Variants in C1QTNF7 observed in about 807,000 individuals in gnomAD.
C1QTNF7 encodes complement C1q tumor necrosis factor-related protein 7.
A neutral mutation model predicts 19.6 loss-of-function variants in C1QTNF7; 15 were observed. The ratio of observed to expected loss-of-function variants is 0.76; its 90% CI spans 0.51 to 1.18. The LOEUF (loss-of-function observed/expected upper bound fraction) is 1.18. Among genes scored for constraint, C1QTNF7 ranks in the 50% most tolerant of loss-of-function variants. The probability of loss-of-function intolerance (pLI) is 0.00; values close to 1 mark genes in which losing one functional copy is unlikely to be tolerated. For synonymous variants in C1QTNF7, 142 were observed against 137.5 expected, an observed-to-expected ratio of 1.03 and a Z score of -0.23; for missense variants, 324 against 359.7, an observed-to-expected ratio of 0.90 and a Z score of 0.80.
intron 1 of C1QTNF7, among the ~76,000 whole-genome samples, chr4:15,399,574 G>A (rs746376015): frequency 3.9e-5 from 6 of 152,196 alleles, no homozygotes; most frequent in Non-Finnish European, 7.3e-5. Context: ...GAATAAATGT[G>A]ATGACCCATT....
At chr4:15,431,056 A>AGATAGATAGATAGATAGATAGATAGAT (rs1712285037) in intron 1 of C1QTNF7, among the ~76,000 whole-genome samples, 1 of 52,800 alleles carries the variant, frequency 1.9e-5, no homozygotes, top group Non-Finnish European at 4.0e-5. Context: ...GATAGATGAT[A>AGATAGATAGATAGATAGATAGATAGAT]GATAGATAGA....
At chr4:15,414,189 G>GAATA (rs1399541774) in intron 1 of C1QTNF7, among the ~76,000 whole-genome samples, 1 of 152,080 alleles carries the variant, frequency 6.6e-6, no homozygotes, top group Admixed American at 6.5e-5. Flanking sequence ...TGTGCTGAAT[G>GAATA]AATAAATAAA....
intron 1 of C1QTNF7, among the ~76,000 whole-genome samples, chr4:15,417,434 T>A (rs1203658815): frequency 6.6e-6 from 1 of 152,260 alleles, no homozygotes; most frequent in Non-Finnish European, 1.5e-5. Context: ...TATGTTAGTC[T>A]ATTCTTGCAT....
At chr4:15,356,785 G>A in intron 1 of C1QTNF7, among the ~76,000 whole-genome samples, 1 of 152,056 alleles carries the variant, frequency 6.6e-6, no homozygotes. Flanking sequence ...TTTAACGATT[G>A]CCATTCTAAC....
intron 2 of C1QTNF7, among the ~76,000 whole-genome samples, chr4:15,436,439 A>C (rs143249236): frequency 6.6e-6 from 1 of 152,252 alleles, no homozygotes; most frequent in South Asian, 2.1e-4. Context: ...AAAAACCAGG[A>C]GCCAGATGCA....
chr4:15,428,008 T>C (rs1712129727), upstream of C1QTNF7: 2 of 984,416 alleles, frequency 2.0e-6, no homozygotes, highest in Non-Finnish European at 1.2e-6. Context: ...TCTGTTATTC[T>C]GTCTGGTACC....
intron 1 of C1QTNF7, among the ~76,000 whole-genome samples, chr4:15,387,434 C>T (rs1176914724): frequency 6.6e-6 from 1 of 152,076 alleles, no homozygotes; most frequent in African/African-American, 2.4e-5. Flanking sequence ...AAAGGTATTC[C>T]AAGATTGAAC....
chr4:15,350,335 G>GGAGA (rs1716889534), intron 1 of C1QTNF7, among the ~76,000 whole-genome samples: 2 of 81,614 alleles, frequency 2.5e-5, no homozygotes, highest in Non-Finnish European at 2.3e-5. Flanking sequence ...AGGAAAGAAA[G>GGAGA]GAGGGAGGGA....
intron 1 of C1QTNF7, among the ~76,000 whole-genome samples, chr4:15,372,511 T>C (rs9994660): frequency 0.23 from 34,668 of 152,158 alleles, 4,494 homozygotes; most frequent in East Asian, 0.29. Flanking sequence ...TGGTATTTTG[T>C]TATGGCAGCC....
chr4:15,396,510 T>C (rs1718787210), intron 1 of C1QTNF7, among the ~76,000 whole-genome samples: 1 of 152,182 alleles, frequency 6.6e-6, no homozygotes, highest in African/African-American at 2.4e-5. Context: ...AGCAATTATT[T>C]ATTGAGCACC....
Position 15,417,922 on chromosome 4 carries a change from T to G in C1QTNF7, c.14-17814T>G, listed in dbSNP as rs573387274. Among the ~76,000 whole-genome samples the G allele has an allele frequency of 2.2e-4, 34 of 152,012 alleles. No homozygotes were observed. In the East Asian group the frequency reaches 6.6e-3, roughly 29 times the overall value. ...ACAACCAGATCTCTCAAGAACTCAG[T>G]CACTATTGCAAGGACAACATTAAGC... On this transcript the variant is annotated intron_variant, in intron 1 of 2. Transcript: ENST00000295297.
At chr4:15,366,083 T>C (rs1310879589) in intron 1 of C1QTNF7, among the ~76,000 whole-genome samples, 1 of 152,112 alleles carries the variant, frequency 6.6e-6, no homozygotes, top group Non-Finnish European at 1.5e-5. Flanking sequence ...GGAAGATGGG[T>C]TAACAGCTGG....
In C1QTNF7 at chr4:15,444,714, G is replaced by A. The variant is rs1712929009; in HGVS notation, c.*1915G>A. 1 of 152,210 alleles carries A rather than the reference G, an allele frequency of 6.6e-6. No individual in the cohort carries two copies. The highest frequency in any genetic ancestry group is 1.5e-5 in the Non-Finnish European group (1 of 68,052). The allele number at this position is 152,210 out of a possible 1,614,324, so 9.4% of individuals were successfully genotyped here. A position where few individuals can be genotyped will look rare whatever the true frequency, so the allele number is the denominator to read the frequency against. On this transcript the variant is annotated 3_prime_UTR_variant, in exon 3 of 3. Transcript: ENST00000444304. ...GAGGAAATGTTTACTTCCAAATTAGGATGTGACAGAGAAGGGATAGGGAAA... is the reference window on the plus strand; with the variant it reads ...GAGGAAATGTTTACTTCCAAATTAGAATGTGACAGAGAAGGGATAGGGAAA...
At chr4:15,352,205 T>C (rs956903121) in intron 1 of C1QTNF7, among the ~76,000 whole-genome samples, 9 of 151,842 alleles carry the variant, frequency 5.9e-5, no homozygotes, top group African/African-American at 2.2e-4. Flanking sequence ...AAATTTCCCA[T>C]TGTGTGTCCA....
At chr4:15,374,120 C>T (rs1424382228) in intron 1 of C1QTNF7, 1 of 152,236 alleles carries the variant, frequency 6.6e-6, no homozygotes, top group Non-Finnish European at 1.5e-5. Context: ...CCTCCACCTC[C>T]CTACAGTGGA....
At chr4:15,349,378 C>G (rs1716824752) in intron 1 of C1QTNF7, among the ~76,000 whole-genome samples, 1 of 152,090 alleles carries the variant, frequency 6.6e-6, no homozygotes, top group African/African-American at 2.4e-5. Flanking sequence ...TATAGGACCC[C>G]AGATAACCGA....
upstream of C1QTNF7, among the ~76,000 whole-genome samples, chr4:15,423,466 A>C (rs938066840): frequency 1.3e-4 from 20 of 152,340 alleles, no homozygotes; most frequent in East Asian, 1.3e-3. Flanking sequence ...CTGCAATGAA[A>C]GCAGATTCAG....
At chr4:15,366,440 T>G (rs1717525871) in intron 1 of C1QTNF7, among the ~76,000 whole-genome samples, 1 of 152,192 alleles carries the variant, frequency 6.6e-6, no homozygotes, top group Admixed American at 6.5e-5. Flanking sequence ...CATGAAAAAC[T>G]GCGGATAGTC....
At chr4:15,345,776 G>A (rs548578586) in intron 1 of C1QTNF7, among the ~76,000 whole-genome samples, 1 of 152,302 alleles carries the variant, frequency 6.6e-6, no homozygotes, top group East Asian at 1.9e-4. Context: ...CAGCGGAGGA[G>A]GCATATATTA....
Sources: allele counts gnomAD v4.1 joint callset (sites outside exome capture counted in the v4.1 genomes callset), GRCh38; gene constraint gnomAD v4.1.1; transcripts MANE v1.5; gene names NCBI Gene and HGNC (gene_info 2026-07-23, HGNC 2026-07-21).